The following MIAT variants were observed in gnomAD, a reference collection of about 807,000 sequenced individuals.
MIAT encodes myocardial infarction associated transcript.
chr22:26,650,606 A>G (rs1306399184), intron 2 of MIAT: 1 of 152,200 alleles, frequency 6.6e-6, no homozygotes, highest in Non-Finnish European at 1.5e-5. Flanking sequence ...ACTTTCACAC[A>G]TTTAGGCGCC....
chr22:26,648,449 CG>C (rs1262174486), intron 2 of MIAT, among the ~76,000 whole-genome samples: 2 of 151,950 alleles, frequency 1.3e-5, no homozygotes, highest in Non-Finnish European at 2.9e-5. Flanking sequence ...AGGCTCCCTG[CG>C]ACCTCAGGCA....
intron 2 of MIAT, chr22:26,657,314 C>G (rs968939982): frequency 2.5e-6 from 1 of 394,684 alleles, no homozygotes; most frequent in Non-Finnish European, 4.5e-6. Flanking sequence ...CCCTCCAAGA[C>G]CGGTTGCACC....
At chr22:26,658,974 C>A (rs1930559351) in intron 2 of MIAT, among the ~76,000 whole-genome samples, 1 of 152,198 alleles carries the variant, frequency 6.6e-6, no homozygotes, top group Non-Finnish European at 1.5e-5. Flanking sequence ...CGGGGGTAGA[C>A]GCAGGGCAGG....
intron 2 of MIAT, among the ~76,000 whole-genome samples, chr22:26,661,677 T>A (rs548757695): frequency 6.6e-6 from 1 of 152,044 alleles, no homozygotes; most frequent in East Asian, 1.9e-4. Flanking sequence ...CGTATCTTGT[T>A]TGACTCTGAA....
chr22:26,666,125 G>A (rs1315492390), exon 4 of MIAT: 3 of 398,544 alleles, frequency 7.5e-6, no homozygotes, highest in Non-Finnish European at 1.3e-5. Flanking sequence ...ACTCCCGGGT[G>A]CTGACAGCAA....
exon 1 of MIAT, chr22:26,646,902 C>G (rs114500008): frequency 2.5e-6 from 1 of 398,440 alleles, no homozygotes; most frequent in East Asian, 3.6e-5. Flanking sequence ...ATCAAGGTGA[C>G]AGGAACAGAT....
chr22:26,647,406 AGAGAGAGAG>A, intron 2 of MIAT: 1 of 363,710 alleles, frequency 2.7e-6, no homozygotes, highest in Non-Finnish European at 4.9e-6. Context: ...AGAGAGAGAG[AGAGAGAGAG>A]AGAGAGAGAG....
chr22:26,662,493 A>G (rs1930710820), intron 2 of MIAT, among the ~76,000 whole-genome samples: 1 of 152,132 alleles, frequency 6.6e-6, no homozygotes, highest in Admixed American at 6.5e-5. Flanking sequence ...TCTCCACTGC[A>G]GGGGTTCCCA....
chr22:26,671,696 TTGAG>T (rs759605080), downstream of MIAT: 5 of 398,622 alleles, frequency 1.3e-5, no homozygotes, highest in Non-Finnish European at 2.2e-5. Context: ...CCACTTCCTG[TTGAG>T]TGAGTTTGAG....
At chr22:26,675,948 G>T in exon 5 of MIAT, 2 of 398,668 alleles carry the variant, frequency 5.0e-6, no homozygotes, top group Non-Finnish European at 8.8e-6. Flanking sequence ...TTCTAAGAGT[G>T]TGTGTGCATC....
At chr22:26,654,524 T>C (rs1791333388) in intron 2 of MIAT, among the ~76,000 whole-genome samples, 1 of 152,102 alleles carries the variant, frequency 6.6e-6, no homozygotes, top group African/African-American at 2.4e-5. Context: ...TTTCCCTTTT[T>C]GTTTGTGTCT....
At chr22:26,666,155 A>G (rs1602366612) in exon 4 of MIAT, 2 of 398,564 alleles carry the variant, frequency 5.0e-6, no homozygotes, top group Non-Finnish European at 8.8e-6. Flanking sequence ...ATATGCTGAG[A>G]GAGCTCCCTG....
chr22:26,656,017 C>CTT (rs71192952), intron 2 of MIAT: 9 of 146,310 alleles, frequency 6.2e-5, no homozygotes, highest in South Asian at 2.1e-4. Context: ...CTTTTCTTTT[C>CTT]TTTTTTTTTT....
At chr22:26,652,402 G>A (rs1162308191) in intron 2 of MIAT, among the ~76,000 whole-genome samples, 2 of 151,814 alleles carry the variant, frequency 1.3e-5, no homozygotes, top group East Asian at 3.9e-4. Context: ...TGTCACCCAG[G>A]CTGGAGTGCA....
chr22:26,648,498 T>C (rs1005690112), intron 2 of MIAT, among the ~76,000 whole-genome samples: 1 of 151,006 alleles, frequency 6.6e-6, no homozygotes, highest in African/African-American at 2.4e-5. Context: ...GTGTGCACCA[T>C]AAAATACAGA....
chr22:26,665,955 C>T (rs865792426), exon 4 of MIAT: 8 of 398,614 alleles, frequency 2.0e-5, no homozygotes, highest in African/African-American at 1.0e-4. Context: ...TGTGAACCAG[C>T]CCTTCTCTTC....
downstream of MIAT, chr22:26,672,989 T>C (rs1258351293): frequency 2.0e-5 from 8 of 398,408 alleles, no homozygotes; most frequent in Non-Finnish European, 3.5e-5. Flanking sequence ...TCCCCCACCG[T>C]AAGTAGACGT....
At chr22:26,647,803 T>C (rs773469638) in intron 2 of MIAT, among the ~76,000 whole-genome samples, 1 of 148,486 alleles carries the variant, frequency 6.7e-6, no homozygotes, top group Non-Finnish European at 1.5e-5. Context: ...GCCAGGACCA[T>C]GGTGGTGGTG....
chr22:26,671,303 G>A (rs1351742772), downstream of MIAT: 23 of 398,508 alleles, frequency 5.8e-5, no homozygotes, highest in Admixed American at 1.8e-4. Flanking sequence ...GGGGCTGGGG[G>A]GCTTAGAGTT....
Sources: gnomAD v4.1 joint callset for allele counts (sites outside exome capture counted in the v4.1 genomes callset) on GRCh38, gnomAD v4.1.1 for gene constraint, MANE v1.5 for transcripts, NCBI Gene and HGNC (gene_info 2026-07-23, HGNC 2026-07-21) for gene names.